Variants in PKP2 observed in about 807,000 individuals in gnomAD.
PKP2 encodes plakophilin 2, also known as plakophilin-2.
A neutral mutation model predicts 83.4 loss-of-function variants in PKP2; 73 were observed. The ratio of observed to expected loss-of-function variants is 0.88; its 90% CI spans 0.72 to 1.06. PKP2 has a LOEUF of 1.06. Among genes scored for constraint, PKP2 ranks in the 50% least tolerant of loss-of-function variants. PKP2 has a pLI of 0.00. For synonymous variants in PKP2, 409 were observed against 430.4 expected (o/e 0.95, Z 0.62); for missense variants, 966 against 1,065.4 (o/e 0.91, Z 1.30).
At chr12:32,821,822 T>G (rs1206977616) in intron 8 of PKP2, 1 of 373,810 alleles carries the variant, frequency 2.7e-6, no homozygotes, top group Non-Finnish European at 5.0e-6. Flanking sequence ...TTCAGGCTGC[T>G]GTTGAGCTAA....
At chr12:32,879,538 G>A (rs1466788376) in intron 1 of PKP2, among the ~76,000 whole-genome samples, 6 of 151,348 alleles carry the variant, frequency 4.0e-5, no homozygotes, top group Admixed American at 3.9e-4. Context: ...GTCTCAAAAA[G>A]AAAGTTTTGG....
At chr12:32,792,803 G>GT (rs1956083297) in intron 11 of PKP2, 72 bp from the exon 12 acceptor site, 2 of 1,186,556 alleles carry the variant, frequency 1.7e-6, no homozygotes, top group Non-Finnish European at 2.5e-6. Context: ...TGGGTGTTCT[G>GT]TAAGACCTCT....
intron 5 of PKP2, among the ~76,000 whole-genome samples, chr12:32,843,689 T>C (rs1167286385): frequency 6.6e-6 from 1 of 152,180 alleles, no homozygotes; most frequent in Admixed American, 6.6e-5. Flanking sequence ...AAACTAGCAT[T>C]TGGGGTTAAG....
intron 6 of PKP2, among the ~76,000 whole-genome samples, chr12:32,832,676 A>AT (rs1287290267): frequency 4.6e-5 from 7 of 152,172 alleles, no homozygotes; most frequent in Admixed American, 2.0e-4. Flanking sequence ...TCAAGTTTCC[A>AT]TTTTGTTTGC....
At chr12:32,837,932 C>T (rs960786180) in intron 6 of PKP2, among the ~76,000 whole-genome samples, 4 of 152,150 alleles carry the variant, frequency 2.6e-5, no homozygotes, top group East Asian at 1.9e-4. Flanking sequence ...TCCTGTTTCT[C>T]AAAGAACTGA....
intron 9 of PKP2, among the ~76,000 whole-genome samples, chr12:32,816,299 T>C (rs1378636158): frequency 6.6e-6 from 1 of 152,160 alleles, no homozygotes; most frequent in East Asian, 1.9e-4. Context: ...TGAGTAACCA[T>C]GGTTTAACTC....
At chr12:32,852,711 G>A (rs1241981264) in intron 4 of PKP2, among the ~76,000 whole-genome samples, 1 of 152,182 alleles carries the variant, frequency 6.6e-6, no homozygotes, top group East Asian at 1.9e-4. Context: ...GGAGACATTT[G>A]CAGAACAAGA....
At chr12:32,890,161 T>C (rs1205623536) in intron 1 of PKP2, among the ~76,000 whole-genome samples, 1 of 151,890 alleles carries the variant, frequency 6.6e-6, no homozygotes, top group African/African-American at 2.4e-5. Context: ...ATGTTTACTA[T>C]CATTCTTTTA....
chr12:32,837,796 C>T (rs541428531), intron 6 of PKP2, among the ~76,000 whole-genome samples: 3 of 152,266 alleles, frequency 2.0e-5, no homozygotes, highest in South Asian at 4.1e-4. Flanking sequence ...ACATCGTTGC[C>T]TTTAGATTTT....
chr12:32,838,435 T>C (rs559237124), intron 6 of PKP2, among the ~76,000 whole-genome samples: 2 of 151,900 alleles, frequency 1.3e-5, no homozygotes, highest in South Asian at 4.2e-4. Context: ...CATCACGCAA[T>C]GTACCTGTGT....
At chr12:32,869,146 G>A (rs1260053047) in intron 3 of PKP2, 84 bp from the exon 4 acceptor site, 38 of 1,469,190 alleles carry the variant, frequency 2.6e-5, no homozygotes, top group African/African-American at 4.2e-5. Flanking sequence ...ACGACTCAGC[G>A]AATACTGGGA....
rs1956075619 is a variant in PKP2 at position 32,792,321 on chromosome 12, G to C, written c.*103C>G. The C allele has an allele frequency of 1.2e-6, 1 of 832,130 alleles. No homozygotes were observed. The highest frequency in any genetic ancestry group is 2.1e-6 in the Non-Finnish European group (1 of 473,454). The allele number at this position is 832,130 out of a possible 1,614,324, so 51.5% of individuals were successfully genotyped here. A position where few individuals can be genotyped will look rare whatever the true frequency, so the allele number is the denominator to read the frequency against. ...TCAGGGGACCACGGAAATAGAGAAG[G>C]ATAGAAACAAGGCATGCTTTTGAGG... On this transcript the variant is annotated 3_prime_UTR_variant, in exon 13 of 13. Coordinates refer to ENST00000340811, the MANE Select transcript of PKP2 (RefSeq NM_001005242.3).
intron 3 of PKP2, among the ~76,000 whole-genome samples, chr12:32,872,698 G>A (rs185318177): frequency 7.7e-4 from 117 of 152,252 alleles, no homozygotes; most frequent in African/African-American, 2.7e-3. Context: ...ATGATGAATG[G>A]ATAGCTCCTA....
rs769542968 is a variant in PKP2 at position 32,878,119 on chromosome 12, T to C, written c.761A>G (p.Asn254Ser). The change falls in exon 3 of 13, where the codon AAC becomes AGC. Residue 254 changes from asparagine (N) to serine (S), a missense_variant. Physicochemically the swap from Asn to Ser is conservative, Grantham distance 46. Transcript: ENST00000340811. ...CAGGTAGTTCTCCTTCTCCAAGAGG[T>C]TGCCCATGCTGCGGCTGGTCCCTGG... ...PRPGTSRSMG[N>S]LLEKENYLTA... The C allele has an allele frequency of 1.2e-6, 2 of 1,614,226 alleles. No homozygotes were observed. Among genetic ancestry groups the C allele is most frequent in the Non-Finnish European group, 1.7e-6 (2 of 1,180,038 alleles).
rs527770069 is a variant in PKP2, at chr12:32,843,487, G to A, written c.1379-2282C>T. Among the ~76,000 whole-genome samples the A allele has an allele frequency of 6.6e-5, 10 of 152,320 alleles. No homozygotes were observed. The South Asian group carries it at 1.7e-3, about 25-fold the overall frequency. ...TACTTATATTTGGTCCAACCAATTA[G>A]AACACATTAGGCTTCATGCAGTCTT... On this transcript the variant is annotated intron_variant, in intron 5 of 12. Coordinates refer to ENST00000340811, the MANE Select transcript of PKP2 (RefSeq NM_001005242.3).
chr12:32,802,026 G>A (rs1224450796), intron 10 of PKP2, among the ~76,000 whole-genome samples: 1 of 152,096 alleles, frequency 6.6e-6, no homozygotes, highest in Non-Finnish European at 1.5e-5. Flanking sequence ...TGGTGCTTAA[G>A]AGAGCCACAG....
chr12:32,839,268 G>C (rs1309394121), intron 6 of PKP2, among the ~76,000 whole-genome samples: 2 of 151,850 alleles, frequency 1.3e-5, no homozygotes, highest in African/African-American at 4.8e-5. Context: ...ATCCAGGCTT[G>C]GACAATCCAG....
At position 32,882,309 on chromosome 12, in the gene PKP2, CTCTATAA is replaced by C. The variant is rs1956993401; in HGVS notation, c.224-3284_224-3278del. Among the ~76,000 whole-genome samples, 10 of 152,176 alleles carry C rather than the reference CTCTATAA, an allele frequency of 6.6e-5. No individual in the cohort carries two copies. The South Asian group carries it at 2.1e-3, about 32-fold the overall frequency. ...TAGCTGGAACCATTAATTCCTGTTA[CTCTATAA>C]TAAAACGGCAGGTGATGAAAGCAGG... On this transcript the variant is annotated intron_variant, in intron 1 of 12. Coordinates refer to ENST00000340811, the MANE Select transcript of PKP2 (RefSeq NM_001005242.3).
intron 9 of PKP2, among the ~76,000 whole-genome samples, chr12:32,804,981 T>A (rs534593742): frequency 3.3e-5 from 5 of 152,320 alleles, no homozygotes; most frequent in East Asian, 3.9e-4. Flanking sequence ...TTTGACTTTT[T>A]AATAATCACC....
Sources: allele counts gnomAD v4.1 joint callset (sites outside exome capture counted in the v4.1 genomes callset), GRCh38; gene constraint gnomAD v4.1.1; transcripts MANE v1.5; gene names NCBI Gene and HGNC (gene_info 2026-07-23, HGNC 2026-07-21).